CALD1: variants seen among roughly 807,000 people sequenced by gnomAD.
CALD1 encodes caldesmon.
Under a neutral mutation model 99.9 loss-of-function variants are expected in CALD1, and 33 were observed. That is an observed-to-expected ratio of 0.33 (90% CI 0.25 to 0.44). The LOEUF is 0.44. Ranked by LOEUF, CALD1 falls within the 20% of genes least tolerant of loss-of-function variation. The probability of loss-of-function intolerance (pLI) is 1.00; values close to 1 mark genes in which losing one functional copy is unlikely to be tolerated. For synonymous variants in CALD1, 310 were observed against 325.0 expected, an observed-to-expected ratio of 0.95 and a Z score of 0.50; for missense variants, 861 against 962.1, an observed-to-expected ratio of 0.89 and a Z score of 1.39.
chr7:134,877,721 T>C (rs1487277970), intron 3 of CALD1, among the ~76,000 whole-genome samples: 1 of 152,224 alleles, frequency 6.6e-6, no homozygotes, highest in Non-Finnish European at 1.5e-5. Flanking sequence ...TAAAATACTC[T>C]TTTTGCCTTG....
At chr7:134,945,893 C>G (rs1806824438) in intron 7 of CALD1, among the ~76,000 whole-genome samples, 4 of 152,202 alleles carry the variant, frequency 2.6e-5, no homozygotes, top group African/African-American at 9.7e-5. Context: ...GTAATTTCGT[C>G]TGCCAGAGAT....
the CALD1 span, among the ~76,000 whole-genome samples, chr7:134,720,031 G>A: frequency 6.6e-6 from 1 of 152,166 alleles, no homozygotes; most frequent in Non-Finnish European, 1.5e-5. Context: ...TGGTTAGCGT[G>A]TATGCTTTCA....
At chr7:134,806,752 T>A (rs910976442) in intron 1 of CALD1, among the ~76,000 whole-genome samples, 5 of 152,122 alleles carry the variant, frequency 3.3e-5, no homozygotes, top group African/African-American at 1.2e-4. Flanking sequence ...TCGCCAACAA[T>A]TTTTTTCTGT....
intron 1 of CALD1, among the ~76,000 whole-genome samples, chr7:134,805,614 C>T (rs1798106348): frequency 6.6e-6 from 1 of 152,144 alleles, no homozygotes; most frequent in African/African-American, 2.4e-5. Context: ...TCCTGGTGAT[C>T]CTTGGCTGTC....
intron 3 of CALD1, among the ~76,000 whole-genome samples, chr7:134,904,350 G>A (rs1472177341): frequency 3.3e-5 from 5 of 152,006 alleles, no homozygotes; most frequent in Non-Finnish European, 7.3e-5. Context: ...AGAGGTCGAG[G>A]TGGGAGGATT....
rs1362740078 is a variant in CALD1, at chr7:134,814,705, T to G, written c.-129-29179T>G. Among the ~76,000 whole-genome samples the G allele has an allele frequency of 2.0e-5, 3 of 152,162 alleles. No homozygotes were observed. In the East Asian group the frequency reaches 5.8e-4, roughly 29 times the overall value. Reference sequence around the variant, plus strand: ...GTGCAGCTGGTCCACAAGTGTTTGCTGTATCCAGAAGAAGGTCAGATAAAG... The same window carrying G: ...GTGCAGCTGGTCCACAAGTGTTTGCGGTATCCAGAAGAAGGTCAGATAAAG... On this transcript the variant is annotated intron_variant, in intron 1 of 14. Coordinates refer to ENST00000361675, the MANE Select transcript of CALD1 (RefSeq NM_033138.4).
rs554483199 is a variant in CALD1, at chr7:134,886,344, A to C, written c.71+18540A>C. ...GAACCACTAGAATTCAGAGAAGCAAAAGGAGTAAGAGTGGGCATAGGACTT... is the reference window on the plus strand; with the variant it reads ...GAACCACTAGAATTCAGAGAAGCAACAGGAGTAAGAGTGGGCATAGGACTT... On this transcript the variant is annotated intron_variant, in intron 3 of 14. Coordinates refer to ENST00000361675, the MANE Select transcript of CALD1 (RefSeq NM_033138.4). 1.4e-3 allele frequency among the ~76,000 whole-genome samples: 210 copies of C among 152,326 alleles called. 1 individual carries two copies. The highest frequency in any genetic ancestry group is 7.6e-4 in the Non-Finnish European group (52 of 68,026).
At chr7:134,866,688 C>A (rs1456606842) in intron 2 of CALD1, among the ~76,000 whole-genome samples, 1 of 152,110 alleles carries the variant, frequency 6.6e-6, no homozygotes, top group African/African-American at 2.4e-5. Flanking sequence ...GCAAATGGCT[C>A]GTCTCATGTG....
intron 2 of CALD1, among the ~76,000 whole-genome samples, chr7:134,862,298 T>A (rs1307015040): frequency 1.3e-5 from 2 of 152,224 alleles, no homozygotes; most frequent in African/African-American, 4.8e-5. Flanking sequence ...GTTAAGTGTA[T>A]GCACTTTGAA....
At position 134,935,690 on chromosome 7, in the gene CALD1, A is replaced by G. The variant is rs772415869; in HGVS notation, c.1311A>G (p.Gly437=). Residue 437 remains glycine, a splice_region_variant and synonymous_variant, in exon 6 of 15, where the codon GGA becomes GGG. Transcript: ENST00000361675. ...TTACCATTCTTGAAAATAAAAAGGGAGAAGAGAAGGGAACTAAAGTGCAAG... is the reference window on the plus strand; with the variant it reads ...TTACCATTCTTGAAAATAAAAAGGGGGAAGAGAAGGGAACTAAAGTGCAAG... ...KLQTAVLKKQ[G]EEKGTKVQAK... is the part of the protein sequence containing the mutation. The G allele has an allele frequency of 6.2e-7, 1 of 1,604,560 alleles. No individual in the cohort carries two copies. Among genetic ancestry groups the G allele is most frequent in the Non-Finnish European group, 8.5e-7 (1 of 1,175,974 alleles).
intron 4 of CALD1, among the ~76,000 whole-genome samples, chr7:134,929,948 T>C (rs1370550630): frequency 6.6e-6 from 1 of 151,926 alleles, no homozygotes; most frequent in African/African-American, 2.4e-5. Flanking sequence ...GCTATCTGTT[T>C]TGAACTGAAG....
intron 3 of CALD1, among the ~76,000 whole-genome samples, chr7:134,881,990 CAT>C (rs1801626590): frequency 6.6e-6 from 1 of 152,224 alleles, no homozygotes; most frequent in South Asian, 2.1e-4. Flanking sequence ...GCACTTTTTA[CAT>C]ATGTTAATTA....
At chr7:134,952,622 C>T (rs1807443369) in intron 9 of CALD1, among the ~76,000 whole-genome samples, 1 of 152,004 alleles carries the variant, frequency 6.6e-6, no homozygotes, top group African/African-American at 2.4e-5. Context: ...AGGTGCACGC[C>T]ACCATGCCCA....
At chr7:134,716,617 G>GA in the CALD1 span, among the ~76,000 whole-genome samples, 1 of 152,146 alleles carries the variant, frequency 6.6e-6, no homozygotes, top group Non-Finnish European at 1.5e-5. Context: ...CAATGTCAGG[G>GA]AAAAAACTCA....
chr7:134,717,670 T>C, the CALD1 span, among the ~76,000 whole-genome samples: 2 of 152,220 alleles, frequency 1.3e-5, no homozygotes, highest in Non-Finnish European at 2.9e-5. Flanking sequence ...GTGAGGAGTT[T>C]GACTCCATGA....
intron 6 of CALD1, among the ~76,000 whole-genome samples, chr7:134,937,325 TACTCCCAG>T (rs1806057359): frequency 6.6e-6 from 1 of 152,148 alleles, no homozygotes; most frequent in Admixed American, 6.5e-5. Context: ...GTCAATCAGA[TACTCCCAG>T]GAATGAGTGA....
chr7:134,829,681 A>C (rs1285249822), intron 1 of CALD1, among the ~76,000 whole-genome samples: 1 of 152,210 alleles, frequency 6.6e-6, no homozygotes, highest in East Asian at 1.9e-4. Context: ...TCTGTATTCT[A>C]GATGCACTAT....
At chr7:134,794,968 A>G (rs1367225376) in intron 1 of CALD1, among the ~76,000 whole-genome samples, 1 of 152,222 alleles carries the variant, frequency 6.6e-6, no homozygotes, top group Non-Finnish European at 1.5e-5. Flanking sequence ...CTCCTTCCCA[A>G]CTTGAAAATG....
intron 1 of CALD1, among the ~76,000 whole-genome samples, chr7:134,824,107 C>G (rs980029103): frequency 6.6e-6 from 1 of 152,140 alleles, no homozygotes; most frequent in African/African-American, 2.4e-5. Context: ...CTAGGCTAGG[C>G]AACATTTTTA....
Sources: allele counts gnomAD v4.1 joint callset (sites outside exome capture counted in the v4.1 genomes callset), GRCh38; gene constraint gnomAD v4.1.1; transcripts MANE v1.5; gene names NCBI Gene and HGNC (gene_info 2026-07-23, HGNC 2026-07-21).